CALN1: variants seen among roughly 807,000 people sequenced by gnomAD.
The protein encoded by CALN1 is calneuron 1, also known as calcium-binding protein 8.
In CALN1, 17 loss-of-function variants were observed where a neutral mutation model predicts 30.6. The observed-to-expected ratio is 0.56, with a 90% CI of 0.38 to 0.83. CALN1 has a LOEUF of 0.83. Among genes scored for constraint, CALN1 ranks in the 40% least tolerant of loss-of-function variants. The pLI is 0.00. For missense variants in CALN1, 291 were observed against 354.9 expected (o/e 0.82, Z 1.45); for synonymous variants, 156 against 131.4 (o/e 1.19, Z -1.28).
chr7:72,317,528 T>A, intron 2 of CALN1, among the ~76,000 whole-genome samples: 1 of 152,200 alleles, frequency 6.6e-6, no homozygotes, highest in East Asian at 1.9e-4. Context: ...AGAGAACTGA[T>A]GACAGCCAGC....
At chr7:71,790,860 A>G (rs1301664497) in intron 6 of CALN1, among the ~76,000 whole-genome samples, 1 of 152,140 alleles carries the variant, frequency 6.6e-6, no homozygotes, top group Non-Finnish European at 1.5e-5. Flanking sequence ...TGCCGGGGAC[A>G]GGAGGGGTGT....
intron 5 of CALN1, among the ~76,000 whole-genome samples, chr7:71,824,750 C>T (rs1175905293): frequency 6.6e-6 from 1 of 152,120 alleles, no homozygotes; most frequent in African/African-American, 2.4e-5. Context: ...CTTTCTCTGC[C>T]CATCTGCAAA....
At chr7:72,364,079 CT>C (rs1803733677) in intron 2 of CALN1, among the ~76,000 whole-genome samples, 1 of 149,514 alleles carries the variant, frequency 6.7e-6, no homozygotes, top group South Asian at 2.1e-4. Flanking sequence ...AAAAAAAATA[CT>C]TTACTATAAT....
At chr7:72,174,128 A>G (rs1202157153) in intron 3 of CALN1, among the ~76,000 whole-genome samples, 1 of 152,174 alleles carries the variant, frequency 6.6e-6, no homozygotes, top group Non-Finnish European at 1.5e-5. Context: ...AATAGCCAAT[A>G]AACACAGGAA....
intron 2 of CALN1, among the ~76,000 whole-genome samples, chr7:72,328,211 G>A (rs1018737780): frequency 6.6e-6 from 1 of 152,088 alleles, no homozygotes; most frequent in Non-Finnish European, 1.5e-5. Context: ...AATACAGTTT[G>A]GCTGTGTCCC....
intron 3 of CALN1, among the ~76,000 whole-genome samples, chr7:72,243,714 C>G (rs551283941): frequency 2.0e-5 from 3 of 152,160 alleles, no homozygotes; most frequent in Non-Finnish European, 4.4e-5. Flanking sequence ...CTAGGCTGAT[C>G]TAATGAGATT....
chr7:71,936,146 T>A (rs1402196596), intron 5 of CALN1, among the ~76,000 whole-genome samples: 1 of 152,140 alleles, frequency 6.6e-6, no homozygotes, highest in African/African-American at 2.4e-5. Context: ...AAGTTTGATT[T>A]CATAATAAAC....
At chr7:72,201,887 T>C (rs1791460078) in intron 3 of CALN1, among the ~76,000 whole-genome samples, 1 of 152,148 alleles carries the variant, frequency 6.6e-6, no homozygotes, top group Non-Finnish European at 1.5e-5. Flanking sequence ...AGACGCAGCC[T>C]GGAGCAACCC....
intron 4 of CALN1, among the ~76,000 whole-genome samples, chr7:72,078,605 C>T (rs1367480190): frequency 3.3e-5 from 5 of 152,090 alleles, no homozygotes; most frequent in African/African-American, 1.2e-4. Flanking sequence ...AGGAGAGGAA[C>T]CGAGAAGGGC....
intron 2 of CALN1, among the ~76,000 whole-genome samples, chr7:72,385,521 A>C (rs1015889322): frequency 2.0e-5 from 3 of 152,150 alleles, no homozygotes; most frequent in Admixed American, 1.3e-4. Flanking sequence ...CCCAAACCTC[A>C]TCTCGAATTC....
At chr7:72,397,385 T>C (rs755827741) in intron 2 of CALN1, among the ~76,000 whole-genome samples, 7 of 152,026 alleles carry the variant, frequency 4.6e-5, no homozygotes, top group East Asian at 3.9e-4. Context: ...GTCAAGAGGA[T>C]AGAAGGTCAC....
rs1314526725 is a variant in CALN1, at chr7:71,932,802, C to T, written c.501+90855G>A. Among the ~76,000 whole-genome samples, 9 of 133,770 alleles carry T rather than the reference C, an allele frequency of 6.7e-5. No individual in the cohort carries two copies. The South Asian group carries it at 1.7e-3, about 25-fold the overall frequency. 87.8% of individuals were successfully genotyped at this position (133,770 alleles called of 152,430 possible). The stretch of plus-strand genomic sequence containing the variant: ...CTGCACTCCAGCCTGGGTGACAGAG[C>T]GATACTCCATCTCAAAAAAAAAAAA... On this transcript the variant is annotated intron_variant, in intron 5 of 6. Transcript: ENST00000395275.
At chr7:72,020,271 C>T (rs1333000772) in intron 5 of CALN1, among the ~76,000 whole-genome samples, 5 of 152,068 alleles carry the variant, frequency 3.3e-5, no homozygotes, top group Non-Finnish European at 7.4e-5. Context: ...GTTGGGAAAG[C>T]AACCTTTCTG....
At chr7:72,360,878 A>C (rs1803530499) in intron 2 of CALN1, among the ~76,000 whole-genome samples, 1 of 151,452 alleles carries the variant, frequency 6.6e-6, no homozygotes, top group Non-Finnish European at 1.5e-5. Context: ...ACAGGTGCAC[A>C]CTACCATGCC....
intron 2 of CALN1, among the ~76,000 whole-genome samples, chr7:72,331,193 T>C (rs189123300): frequency 5.6e-4 from 85 of 151,802 alleles, no homozygotes; most frequent in Non-Finnish European, 8.5e-4. Flanking sequence ...CTACTAAAAA[T>C]ACAAAAATTA....
chr7:72,152,556 C>T (rs919309833), intron 3 of CALN1, among the ~76,000 whole-genome samples: 1 of 152,102 alleles, frequency 6.6e-6, no homozygotes, highest in Non-Finnish European at 1.5e-5. Context: ...CAGGTCTCAG[C>T]AGTCCACAAG....
intron 1 of CALN1, among the ~76,000 whole-genome samples, chr7:72,404,946 A>G (rs1806600249): frequency 6.6e-6 from 1 of 152,206 alleles, no homozygotes; most frequent in African/African-American, 2.4e-5. Flanking sequence ...TGAATGACGG[A>G]CAGACACATA....
intron 2 of CALN1, among the ~76,000 whole-genome samples, chr7:72,357,402 G>C (rs1190505076): frequency 6.6e-6 from 1 of 151,920 alleles, no homozygotes; most frequent in Non-Finnish European, 1.5e-5. Context: ...ATGAGTCCCA[G>C]CTTTTTTATG....
chr7:72,008,607 A>G (rs190120504), intron 5 of CALN1, among the ~76,000 whole-genome samples: 1 of 152,108 alleles, frequency 6.6e-6, no homozygotes, highest in Admixed American at 6.5e-5. Context: ...AAAATAGACA[A>G]TCATCTGGCA....
Sources: gnomAD v4.1 joint callset for allele counts (sites outside exome capture counted in the v4.1 genomes callset) on GRCh38, gnomAD v4.1.1 for gene constraint, MANE v1.5 for transcripts, NCBI Gene and HGNC (gene_info 2026-07-23, HGNC 2026-07-21) for gene names.